Variants in SAMD12 observed in about 807,000 individuals in gnomAD.
SAMD12 encodes the protein sterile alpha motif domain containing 12.
A neutral mutation model predicts 15.0 loss-of-function variants in SAMD12; 9 were observed. The ratio of observed to expected loss-of-function variants is 0.60; its 90% confidence interval spans 0.36 to 1.05. SAMD12 has a LOEUF of 1.05. SAMD12 is among the 50% of genes least tolerant of loss of function. SAMD12 has a pLI of 0.01. For missense variants in SAMD12, 230 were observed against 234.2 expected (o/e 0.98, Z 0.12); for synonymous variants, 86 against 90.1 (o/e 0.96, Z 0.25).
chr8:118,559,878 G>A (rs1826656685), intron 2 of SAMD12, among the ~76,000 whole-genome samples: 1 of 152,054 alleles, frequency 6.6e-6, no homozygotes, highest in Non-Finnish European at 1.5e-5. Context: ...TGACAGGGGT[G>A]ATGCCAATAA....
At chr8:118,503,770 T>C (rs1338817340) in intron 2 of SAMD12, among the ~76,000 whole-genome samples, 1 of 152,176 alleles carries the variant, frequency 6.6e-6, no homozygotes, top group Non-Finnish European at 1.5e-5. Flanking sequence ...CCACCTCTTT[T>C]TCTGCCCAGG....
At chr8:118,419,543 T>A (rs1045632455) in intron 3 of SAMD12, among the ~76,000 whole-genome samples, 52 of 152,226 alleles carry the variant, frequency 3.4e-4, no homozygotes, top group Admixed American at 2.0e-4. Context: ...TTTTATATTC[T>A]ACAGTGGTAC....
intron 2 of SAMD12, among the ~76,000 whole-genome samples, chr8:118,536,659 T>C (rs773407536): frequency 3.9e-5 from 6 of 152,240 alleles, no homozygotes; most frequent in South Asian, 2.1e-4. Context: ...AACTATACTT[T>C]AACTTTGTTA....
intron 3 of SAMD12, among the ~76,000 whole-genome samples, chr8:118,438,409 G>GT (rs200761443): frequency 0.035 from 3,009 of 85,904 alleles, 99 homozygotes; most frequent in African/African-American, 0.14. Flanking sequence ...GTGCTTAAAT[G>GT]TTTAAAAAAA....
At chr8:118,180,959 C>G in the SAMD12 span, among the ~76,000 whole-genome samples, 8 of 152,158 alleles carry the variant, frequency 5.3e-5, no homozygotes, top group African/African-American at 1.9e-4. Context: ...GAACAGAGTC[C>G]CCTACAACCT....
chr8:118,330,953 C>T (rs1392202461), intron 4 of SAMD12, among the ~76,000 whole-genome samples: 2 of 151,906 alleles, frequency 1.3e-5, no homozygotes, highest in South Asian at 4.1e-4. Context: ...GTGTACCTGC[C>T]AACTCTATAA....
intron 3 of SAMD12, among the ~76,000 whole-genome samples, chr8:118,401,614 A>G (rs1297902138): frequency 1.3e-5 from 2 of 149,602 alleles, no homozygotes; most frequent in Non-Finnish European, 3.0e-5. Flanking sequence ...GCCTCATGCG[A>G]TCCTCTCACC....
At chr8:118,513,007 A>C (rs1825128992) in intron 2 of SAMD12, among the ~76,000 whole-genome samples, 1 of 129,604 alleles carries the variant, frequency 7.7e-6, no homozygotes, top group African/African-American at 3.6e-5. Flanking sequence ...CTGAATACTT[A>C]TATTTTTTTT....
chr8:118,435,511 C>T (rs947475973), intron 3 of SAMD12, among the ~76,000 whole-genome samples: 1 of 152,092 alleles, frequency 6.6e-6, no homozygotes, highest in African/African-American at 2.4e-5. Context: ...ACACATCTGC[C>T]ACCAAAGAGC....
At chr8:118,445,353 G>A (rs545720322) in intron 2 of SAMD12, among the ~76,000 whole-genome samples, 1 of 152,130 alleles carries the variant, frequency 6.6e-6, no homozygotes, top group Non-Finnish European at 1.5e-5. Flanking sequence ...ATGGAAAGAG[G>A]TGGTTAGAAA....
exon 5 of SAMD12, chr8:118,189,535 T>C (rs1453711420): frequency 6.6e-6 from 1 of 152,042 alleles, no homozygotes; most frequent in African/African-American, 2.4e-5. Flanking sequence ...TACAAAATAG[T>C]CAAATATACA....
At chr8:118,571,117 A>C (rs2131234917) in intron 2 of SAMD12, among the ~76,000 whole-genome samples, 1 of 152,308 alleles carries the variant, frequency 6.6e-6, no homozygotes, top group African/African-American at 2.4e-5. Context: ...AAATACAATA[A>C]ATTGGTACTA....
the SAMD12 span, among the ~76,000 whole-genome samples, chr8:118,155,729 C>T: frequency 0.034 from 5,154 of 152,288 alleles, 272 homozygotes; most frequent in African/African-American, 0.11. Context: ...TTTCACAACA[C>T]ACCTTAGCAC....
At chr8:118,266,276 C>T (rs1813197248) in intron 4 of SAMD12, among the ~76,000 whole-genome samples, 1 of 152,122 alleles carries the variant, frequency 6.6e-6, no homozygotes, top group African/African-American at 2.4e-5. Context: ...TGGGTGGGGA[C>T]ACAAAGCCAA....
At chr8:118,241,646 G>A (rs1342511157) in intron 4 of SAMD12, among the ~76,000 whole-genome samples, 4 of 152,144 alleles carry the variant, frequency 2.6e-5, no homozygotes, top group African/African-American at 9.7e-5. Flanking sequence ...CAACGGATGA[G>A]CTCTGTGAAT....
Position 118,468,701 on chromosome 8 carries a change from C to T in SAMD12, c.193-28740G>A, listed in dbSNP as rs181775859. Among the ~76,000 whole-genome samples, 345 of 152,066 alleles carry T rather than the reference C, an allele frequency of 2.3e-3. 1 individual carries two copies. The highest frequency in any genetic ancestry group is 3.2e-3 in the Non-Finnish European group (216 of 67,986). On this transcript the variant is annotated intron_variant, in intron 2 of 3. Coordinates refer to ENST00000314727, the MANE Select transcript of SAMD12 (RefSeq NM_207506.3). The stretch of plus-strand genomic sequence containing the variant: ...TGGCAACATACTAGATTTTTCACCT[C>T]TGTTACAACTTGATCACTGACCTTT...
chr8:118,232,936 C>T (rs1385140638), intron 4 of SAMD12, among the ~76,000 whole-genome samples: 1 of 152,118 alleles, frequency 6.6e-6, no homozygotes, highest in Non-Finnish European at 1.5e-5. Context: ...AATATTGAAA[C>T]TCTGCCAGAA....
chr8:118,405,414 C>T (rs1347312309), intron 3 of SAMD12, among the ~76,000 whole-genome samples: 3 of 149,356 alleles, frequency 2.0e-5, no homozygotes, highest in East Asian at 2.0e-4. Context: ...AATCTGAAGA[C>T]GAAATGTTAA....
chr8:118,296,626 G>T (rs912166943), intron 4 of SAMD12, among the ~76,000 whole-genome samples: 3 of 152,218 alleles, frequency 2.0e-5, no homozygotes, highest in Non-Finnish European at 2.9e-5. Context: ...TTGGTGGAAA[G>T]AATGACATAG....
Sources: gnomAD v4.1 joint callset for allele counts (sites outside exome capture counted in the v4.1 genomes callset) on GRCh38, gnomAD v4.1.1 for gene constraint, MANE v1.5 for transcripts, NCBI Gene and HGNC (gene_info 2026-07-23, HGNC 2026-07-21) for gene names.